The following NELL1 variants were observed in gnomAD, a reference collection of about 807,000 sequenced individuals.
The protein encoded by NELL1 is protein kinase C-binding protein NELL1.
A neutral mutation model predicts 107.4 loss-of-function variants in NELL1; 76 were observed. The observed-to-expected ratio is 0.71, with a 90% CI of 0.59 to 0.86. The LOEUF (loss-of-function observed/expected upper bound fraction) is 0.86, where lower values mean the gene tolerates loss of function less well. Among genes scored for constraint, NELL1 ranks in the 40% least tolerant of loss-of-function variants. The pLI, the probability that NELL1 is intolerant of heterozygous loss-of-function variation, is 0.00. For synonymous variants in NELL1, 353 were observed against 341.2 expected (o/e 1.03, Z -0.38); for missense variants, 1,024 against 1,005.5 (o/e 1.02, Z -0.25).
intron 17 of NELL1, among the ~76,000 whole-genome samples, chr11:21,562,253 C>T (rs67949239): frequency 0.29 from 43,857 of 151,992 alleles, 6,816 homozygotes; most frequent in Middle Eastern, 0.39. Flanking sequence ...TTGATTTCTT[C>T]TGTTTTGAAT....
chr11:21,254,945 T>C (rs1455985095), intron 14 of NELL1, among the ~76,000 whole-genome samples: 1 of 152,094 alleles, frequency 6.6e-6, no homozygotes, highest in Non-Finnish European at 1.5e-5. Flanking sequence ...GCATATTCTT[T>C]CACCTTTGTG....
chr11:20,886,379 A>C (rs1442590895), intron 5 of NELL1, among the ~76,000 whole-genome samples: 2 of 152,136 alleles, frequency 1.3e-5, no homozygotes, highest in Non-Finnish European at 2.9e-5. Flanking sequence ...AGAATGACAC[A>C]CTTTTGCTTC....
chr11:20,925,564 G>T (rs1425913790), intron 7 of NELL1, among the ~76,000 whole-genome samples: 1 of 151,830 alleles, frequency 6.6e-6, no homozygotes, highest in Non-Finnish European at 1.5e-5. Context: ...GGGATTATAG[G>T]TGTGAGTCAC....
At chr11:20,816,231 T>C (rs924279609) in intron 3 of NELL1, among the ~76,000 whole-genome samples, 2 of 152,230 alleles carry the variant, frequency 1.3e-5, no homozygotes, top group African/African-American at 4.8e-5. Flanking sequence ...ATCTGTAGAT[T>C]GCTTTGGGCA....
chr11:20,707,949 G>A (rs965559426), intron 2 of NELL1, among the ~76,000 whole-genome samples: 14 of 152,236 alleles, frequency 9.2e-5, no homozygotes, highest in African/African-American at 3.1e-4. Flanking sequence ...CAGAGCTGGA[G>A]TATACAGGGG....
chr11:21,403,529 T>C (rs1174875589), intron 15 of NELL1, among the ~76,000 whole-genome samples: 1 of 123,158 alleles, frequency 8.1e-6, no homozygotes, highest in African/African-American at 2.8e-5. Context: ...TGGTGAAATG[T>C]TGGCTGCCTG....
chr11:21,234,029 C>A (rs939799479), intron 14 of NELL1, among the ~76,000 whole-genome samples: 1 of 152,088 alleles, frequency 6.6e-6, no homozygotes, highest in Non-Finnish European at 1.5e-5. Context: ...TCCAACCCAA[C>A]GGAACATTTA....
intron 14 of NELL1, among the ~76,000 whole-genome samples, chr11:21,313,435 A>T (rs546677474): frequency 6.6e-6 from 1 of 152,192 alleles, no homozygotes; most frequent in African/African-American, 2.4e-5. Context: ...CCAATTAGGC[A>T]TTCAACAAAC....
At chr11:20,912,685 T>C (rs1850158126) in intron 5 of NELL1, among the ~76,000 whole-genome samples, 1 of 152,112 alleles carries the variant, frequency 6.6e-6, no homozygotes, top group Non-Finnish European at 1.5e-5. Context: ...TTCCCTTACC[T>C]GGACATCACT....
intron 3 of NELL1, among the ~76,000 whole-genome samples, 172 bp from the exon 4 acceptor site, chr11:20,847,411 A>C (rs1423267024): frequency 6.6e-6 from 1 of 152,172 alleles, no homozygotes; most frequent in East Asian, 1.9e-4. Flanking sequence ...GGGTTCTCAG[A>C]CAATAGATTC....
chr11:20,677,318 G>A (rs919336555), intron 1 of NELL1, among the ~76,000 whole-genome samples: 2 of 152,134 alleles, frequency 1.3e-5, no homozygotes, highest in African/African-American at 4.8e-5. Context: ...ACTGGTGGTG[G>A]TGGGTCAGAT....
At chr11:21,229,555 C>A in intron 14 of NELL1, 101 bp downstream of exon 14, 2 of 1,466,950 alleles carry the variant, frequency 1.4e-6, no homozygotes, top group South Asian at 1.2e-5. Flanking sequence ...TGGAACACAG[C>A]CAGGGTTCCT....
chr11:20,728,922 T>C (rs1360731624), intron 2 of NELL1, among the ~76,000 whole-genome samples: 1 of 152,210 alleles, frequency 6.6e-6, no homozygotes, highest in Non-Finnish European at 1.5e-5. Flanking sequence ...ATGATGTTGA[T>C]TCTTGCAATC....
intron 15 of NELL1, among the ~76,000 whole-genome samples, chr11:21,431,778 C>T (rs1026098185): frequency 1.3e-5 from 2 of 152,240 alleles, no homozygotes; most frequent in African/African-American, 2.4e-5. Context: ...TTTTGCTTAA[C>T]CTGCTTCTAC....
At chr11:20,800,464 AAT>A (rs1352612891) in intron 3 of NELL1, among the ~76,000 whole-genome samples, 1 of 151,876 alleles carries the variant, frequency 6.6e-6, no homozygotes, top group Non-Finnish European at 1.5e-5. Context: ...GTTGACTTTT[AAT>A]ATATATTTGT....
At chr11:21,111,652 T>C (rs1414030994) in intron 12 of NELL1, among the ~76,000 whole-genome samples, 6 of 152,048 alleles carry the variant, frequency 3.9e-5, no homozygotes, top group African/African-American at 1.2e-4. Flanking sequence ...AACAAGAAAA[T>C]GTGGTAAGCT....
intron 14 of NELL1, among the ~76,000 whole-genome samples, chr11:21,237,502 T>C (rs1009555179): frequency 1.1e-4 from 16 of 152,240 alleles, no homozygotes; most frequent in South Asian, 4.1e-4. Flanking sequence ...TTTTTTTCTC[T>C]TGTTAGAATG....
chr11:20,851,468 C>T (rs753935478), intron 4 of NELL1, among the ~76,000 whole-genome samples: 5 of 152,032 alleles, frequency 3.3e-5, no homozygotes, highest in East Asian at 1.9e-4. Flanking sequence ...GGTTTTTCTC[C>T]GGCTACCTTT....
intron 15 of NELL1, among the ~76,000 whole-genome samples, chr11:21,471,073 G>A (rs949513529): frequency 1.3e-5 from 2 of 152,052 alleles, no homozygotes; most frequent in Non-Finnish European, 2.9e-5. Flanking sequence ...TCTGCTTAAG[G>A]CTGCAAAAGC....
Sources: allele counts gnomAD v4.1 joint callset (sites outside exome capture counted in the v4.1 genomes callset), GRCh38; gene constraint gnomAD v4.1.1; transcripts MANE v1.5; gene names NCBI Gene and HGNC (gene_info 2026-07-23, HGNC 2026-07-21).